Variants in PTPN12 observed in about 807,000 individuals in gnomAD.
PTPN12 encodes protein tyrosine phosphatase non-receptor type 12.
Under a neutral mutation model 97.6 loss-of-function variants are expected in PTPN12, and 29 were observed. The ratio of observed to expected loss-of-function variants is 0.30; its 90% CI spans 0.22 to 0.41. PTPN12 has a LOEUF of 0.41. PTPN12 is among the 10% of genes least tolerant of loss of function. The pLI is 1.00. For synonymous variants in PTPN12, 327 were observed against 300.4 expected (o/e 1.09, Z -0.91); for missense variants, 819 against 926.0 (o/e 0.88, Z 1.50).
chr7:77,599,370 G>T lies in PTPN12; in HGVS notation c.553-1294G>T, dbSNP rs1788122819. 2.1e-5 allele frequency among the ~76,000 whole-genome samples: 3 copies of T among 143,156 alleles called. No homozygotes were observed. In the South Asian group the frequency reaches 6.6e-4, roughly 32 times the overall value. 93.9% of individuals were successfully genotyped at this position (143,156 alleles called of 152,430 possible). On this transcript the variant is annotated intron_variant, in intron 7 of 17. Coordinates refer to ENST00000248594, the MANE Select transcript of PTPN12 (RefSeq NM_002835.4). ...GTCTCACTATATATTGCCCAGGCTG[G>T]ACTCAAACTCCTGAGCTCAAGCAGT...
chr7:77,591,257 A>G (rs1787859037), intron 5 of PTPN12, among the ~76,000 whole-genome samples: 1 of 152,222 alleles, frequency 6.6e-6, no homozygotes, highest in African/African-American at 2.4e-5. Flanking sequence ...AGATTTAATT[A>G]GGAATTCATT....
At chr7:77,571,715 A>ATTTG (rs1457308594) in intron 2 of PTPN12, among the ~76,000 whole-genome samples, 2 of 106,608 alleles carry the variant, frequency 1.9e-5, no homozygotes, top group African/African-American at 3.4e-5. Context: ...TTATTTATTT[A>ATTTG]TTTATTTGTT....
At chr7:77,628,915 G>C (rs780341952) in intron 13 of PTPN12, among the ~76,000 whole-genome samples, 1 of 152,036 alleles carries the variant, frequency 6.6e-6, no homozygotes, top group South Asian at 2.1e-4. Context: ...CACACATACT[G>C]TATTTTTTAA....
At chr7:77,605,408 A>ATTT (rs1788328031) in intron 8 of PTPN12, among the ~76,000 whole-genome samples, 1 of 37,840 alleles carries the variant, frequency 2.6e-5, no homozygotes, top group African/African-American at 2.0e-4. Flanking sequence ...TTTTGTCATG[A>ATTT]GTTTTTTTTT....
chr7:77,620,688 G>T (rs996546339), intron 12 of PTPN12, among the ~76,000 whole-genome samples: 1 of 152,204 alleles, frequency 6.6e-6, no homozygotes, highest in Admixed American at 6.5e-5. Context: ...GGTGGCTCAC[G>T]CCTGTAATCC....
chr7:77,591,668 A>G (rs563762198), intron 5 of PTPN12, among the ~76,000 whole-genome samples: 3 of 152,316 alleles, frequency 2.0e-5, no homozygotes, highest in East Asian at 3.9e-4. Context: ...TATTATTCCT[A>G]TTTTTACAGA....
At chr7:77,564,601 A>T (rs1442570976) in intron 1 of PTPN12, among the ~76,000 whole-genome samples, 1 of 152,076 alleles carries the variant, frequency 6.6e-6, no homozygotes, top group Non-Finnish European at 1.5e-5. Flanking sequence ...TTGCCACAGT[A>T]TAACTCTTAA....
chr7:77,559,058 A>G (rs1483597957), intron 1 of PTPN12, among the ~76,000 whole-genome samples: 3 of 152,178 alleles, frequency 2.0e-5, no homozygotes, highest in South Asian at 4.1e-4. Context: ...TTGAACATCT[A>G]CTTTTTTTCT....
chr7:77,558,389 A>G (rs747875405), intron 1 of PTPN12, among the ~76,000 whole-genome samples: 2 of 152,152 alleles, frequency 1.3e-5, no homozygotes, highest in Non-Finnish European at 2.9e-5. Flanking sequence ...CCAGCATGTC[A>G]ACTTTAGGGA....
chr7:77,571,152 T>C lies in PTPN12; in HGVS notation c.174T>C (p.Asn58=), dbSNP rs904102433. ...CAGCCACTGGAGAAAAAGAAGAAAATGTTAAAAAGAACAGATACAAGGACA... is the reference window on the plus strand; with the variant it reads ...CAGCCACTGGAGAAAAAGAAGAAAACGTTAAAAAGAACAGATACAAGGACA... ...YPTATGEKEE[N]VKKNRYKDIL... The change falls in exon 2 of 18, where the codon AAT becomes AAC. Residue 58 remains asparagine, a synonymous_variant. Transcript: ENST00000248594. 1.0e-5 allele frequency: 16 copies of C among 1,603,386 alleles called. No homozygotes were observed. Among genetic ancestry groups the C allele is most frequent in the Non-Finnish European group, 1.3e-5 (15 of 1,174,118 alleles).
chr7:77,608,772 T>C (rs1398433580), intron 9 of PTPN12, among the ~76,000 whole-genome samples: 1 of 152,236 alleles, frequency 6.6e-6, no homozygotes, highest in Admixed American at 6.5e-5. Context: ...TCAAAAACTA[T>C]AATCATCTAA....
At chr7:77,607,990 G>C (rs1034640138) in intron 9 of PTPN12, among the ~76,000 whole-genome samples, 1 of 152,148 alleles carries the variant, frequency 6.6e-6, no homozygotes, top group Non-Finnish European at 1.5e-5. Context: ...TCTGACCTCA[G>C]GTGATCCACT....
chr7:77,564,648 G>T (rs1222746288), intron 1 of PTPN12, among the ~76,000 whole-genome samples: 5 of 148,032 alleles, frequency 3.4e-5, no homozygotes, highest in African/African-American at 1.2e-4. Context: ...ACTATACAAA[G>T]TATAGTTTTA....
At chr7:77,623,279 C>T (rs1789010961) in intron 12 of PTPN12, among the ~76,000 whole-genome samples, 1 of 152,038 alleles carries the variant, frequency 6.6e-6, no homozygotes. Context: ...TTAACAAACC[C>T]ATATATCATA....
In PTPN12 at chr7:77,593,894, G is replaced by A. The variant is rs137921249; in HGVS notation, c.492+1638G>A. On this transcript the variant is annotated intron_variant, in intron 6 of 17. Coordinates refer to ENST00000248594, the MANE Select transcript of PTPN12 (RefSeq NM_002835.4). ...TGATTAAACGAAATATAATTTCTGT[G>A]GTTTTACTTGTCATTGCTGAGTTCT... is the stretch of plus-strand genomic sequence containing the variant. 5.7e-3 allele frequency among the ~76,000 whole-genome samples: 867 copies of A among 152,180 alleles called. 4 individuals are homozygous for A. Among genetic ancestry groups the A allele is most frequent in the African/African-American group, 0.02 (824 of 41,526 alleles).
intron 12 of PTPN12, among the ~76,000 whole-genome samples, chr7:77,621,811 T>G (rs1225487394): frequency 2.6e-5 from 4 of 152,240 alleles, no homozygotes; most frequent in African/African-American, 4.8e-5. Flanking sequence ...ACAACAAACG[T>G]GAATGACGCA....
intron 2 of PTPN12, among the ~76,000 whole-genome samples, chr7:77,572,771 G>A (rs1215811551): frequency 1.3e-5 from 2 of 152,020 alleles, no homozygotes; most frequent in African/African-American, 4.8e-5. Flanking sequence ...TGCACAATAG[G>A]TTAATATTAA....
rs992105670 is a variant in PTPN12 at position 77,537,454 on chromosome 7, T to G, written c.-93T>G. 8 of 1,188,900 alleles carry G rather than the reference T, an allele frequency of 6.7e-6. No individual in the cohort carries two copies. Among genetic ancestry groups the G allele is most frequent in the African/African-American group, 2.9e-5 (1 of 34,876 alleles). 73.6% of individuals were successfully genotyped at this position (1,188,900 alleles called of 1,614,324 possible). ...GCGGGGTCGGGAGGGAGGGACGTGC[T>G]GGGGGAACGAGCTGGGGAAGACGGA... On this transcript the variant is annotated 5_prime_UTR_variant, in exon 1 of 18. Transcript: ENST00000248594.
chr7:77,590,227 T>G (rs1280618150), intron 5 of PTPN12, among the ~76,000 whole-genome samples: 1 of 152,200 alleles, frequency 6.6e-6, no homozygotes, highest in East Asian at 1.9e-4. Context: ...TCATTATTAG[T>G]TTTATACCAG....
Sources: gnomAD v4.1 joint callset for allele counts (sites outside exome capture counted in the v4.1 genomes callset) on GRCh38, gnomAD v4.1.1 for gene constraint, MANE v1.5 for transcripts, NCBI Gene and HGNC (gene_info 2026-07-23, HGNC 2026-07-21) for gene names.